The following NT5E variants were observed in gnomAD, a reference collection of about 807,000 sequenced individuals.
NT5E encodes the protein 5'-nucleotidase ecto.
A neutral mutation model predicts 55.1 loss-of-function variants in NT5E; 53 were observed. The ratio of observed to expected loss-of-function variants is 0.96; its 90% CI spans 0.77 to 1.21. NT5E has a LOEUF of 1.21. NT5E is among the 50% of genes most tolerant of loss of function. The pLI is 0.00. For synonymous variants in NT5E, 270 were observed against 278.4 expected (o/e 0.97, Z 0.30); for missense variants, 683 against 724.3 (o/e 0.94, Z 0.65).
chr6:85,452,195 G>A (rs1768898204), intron 1 of NT5E, among the ~76,000 whole-genome samples: 1 of 152,216 alleles, frequency 6.6e-6, no homozygotes, highest in South Asian at 2.1e-4. Flanking sequence ...TCCCAGAAGG[G>A]TAGAATAAAC....
chr6:85,487,648 T>G (rs1769696939), intron 5 of NT5E, among the ~76,000 whole-genome samples, 159 bp downstream of exon 5: 1 of 152,184 alleles, frequency 6.6e-6, no homozygotes, highest in Non-Finnish European at 1.5e-5. Flanking sequence ...TCCCAGCTAC[T>G]CGGGAGGCTT....
intron 8 of NT5E, among the ~76,000 whole-genome samples, chr6:85,493,436 C>T (rs923591762): frequency 1.1e-4 from 16 of 152,138 alleles, no homozygotes; most frequent in South Asian, 2.1e-4. Flanking sequence ...TAAAGGAAAT[C>T]CCCCAAGTCC....
chr6:85,475,593 G>C (rs1422458615), intron 3 of NT5E, among the ~76,000 whole-genome samples: 2 of 152,196 alleles, frequency 1.3e-5, no homozygotes, highest in Non-Finnish European at 2.9e-5. Flanking sequence ...ACTGGTCCAT[G>C]TTGCTTCCTT....
intron 4 of NT5E, among the ~76,000 whole-genome samples, chr6:85,486,264 AACAGAAAC>A (rs1769657326): frequency 6.6e-6 from 1 of 152,238 alleles, no homozygotes; most frequent in African/African-American, 2.4e-5. Flanking sequence ...AGAGCCTTAG[AACAGAAAC>A]ACAGTCTTTC....
At chr6:85,493,791 GATTGATA>G in intron 8 of NT5E, 43 bp from the exon 9 acceptor site, 3 of 1,507,478 alleles carry the variant, frequency 2.0e-6, no homozygotes, top group Non-Finnish European at 2.8e-6. Context: ...CCTTACTGTT[GATTGATA>G]ATTACCTTTT....
At chr6:85,485,127 GCA>G (rs1224480366) in intron 3 of NT5E, 106 bp from the exon 4 acceptor site, 2 of 1,053,392 alleles carry the variant, frequency 1.9e-6, no homozygotes, top group African/African-American at 1.6e-5. Context: ...GCAACAGATG[GCA>G]AATCATCAAT....
At chr6:85,479,401 A>G (rs1042282030) in intron 3 of NT5E, among the ~76,000 whole-genome samples, 4 of 152,140 alleles carry the variant, frequency 2.6e-5, no homozygotes. Flanking sequence ...GACACTCTCC[A>G]AGTACTCTGT....
chr6:85,489,681 AC>A (rs1377057339), intron 6 of NT5E, 82 bp downstream of exon 6: 3 of 958,608 alleles, frequency 3.1e-6, no homozygotes, highest in Non-Finnish European at 5.0e-6. Flanking sequence ...CCCTGAACAC[AC>A]CCATGTGCAG....
chr6:85,450,502 G>T lies in NT5E; in HGVS notation c.339+24G>T. On this transcript the variant is annotated intron_variant, in intron 1 of 8. Coordinates refer to ENST00000257770, the MANE Select transcript of NT5E (RefSeq NM_002526.4). This position sits in a 1 kb window ranked among gnomAD's most constrained non-coding sequence, Gnocchi z 4.0. Reference sequence around the variant, plus strand: ...TGGTAAGACCCGAGCCCGCGCCCGGGATAGTAGTCCCGGACTGAGAGAGGA... The same window carrying T: ...TGGTAAGACCCGAGCCCGCGCCCGGTATAGTAGTCCCGGACTGAGAGAGGA... 2 of 1,562,546 alleles carry T rather than the reference G, an allele frequency of 1.3e-6. No homozygotes were observed. The highest frequency in any genetic ancestry group is 1.7e-6 in the Non-Finnish European group (2 of 1,151,924).
chr6:85,487,355 A>C lies in NT5E; in HGVS notation c.970A>C (p.Ile324Leu). Residue 324 changes from isoleucine (I) to leucine (L), a missense_variant, in exon 5 of 9, where the codon ATT becomes CTT. Physicochemically the swap from Ile to Leu is conservative, Grantham distance 5 (BLOSUM62 2). Coordinates refer to ENST00000257770, the MANE Select transcript of NT5E (RefSeq NM_002526.4). ...TCTAGATCCAAGCATAAAAGCAGAC[A>C]TTAACAAATGGAGGATAAAATTGGA... ...IPEDPSIKAD[I>L]NKWRIKLDNY... is the part of the protein sequence containing the mutation. 6.2e-7 allele frequency: 1 copy of C among 1,613,714 alleles called. No homozygotes were observed.
chr6:85,493,794 TGATA>T (rs759935332), intron 8 of NT5E, 43 bp from the exon 9 acceptor site: 3 of 1,530,070 alleles, frequency 2.0e-6, no homozygotes, highest in South Asian at 2.3e-5. Flanking sequence ...TACTGTTGAT[TGATA>T]ATTACCTTTT....
chr6:85,493,829 A>T lies in NT5E; in HGVS notation c.1562-12A>T. The stretch of plus-strand genomic sequence containing the variant: ...CTTTTCTGTAGTTAAAATAATGTAT[A>T]TGTTTTTCTAGGTGACCAAGATATC... On this transcript the variant is annotated splice_polypyrimidine_tract_variant and intron_variant, in intron 8 of 8. Coordinates refer to ENST00000257770, the MANE Select transcript of NT5E (RefSeq NM_002526.4). 3.1e-6 allele frequency: 5 copies of T among 1,604,398 alleles called. No individual in the cohort carries two copies. The highest frequency in any genetic ancestry group is 4.3e-6 in the Non-Finnish European group (5 of 1,171,368).
chr6:85,485,074 G>A (rs2127724261), intron 3 of NT5E, among the ~76,000 whole-genome samples, 161 bp from the exon 4 acceptor site: 1 of 152,320 alleles, frequency 6.6e-6, no homozygotes, highest in South Asian at 2.1e-4. Flanking sequence ...ATTTGGAAAT[G>A]GGCAAATGCC....
chr6:85,450,318 G>T lies in NT5E; in HGVS notation c.179G>T (p.Gly60Val), dbSNP rs1443526063. 1 of 1,601,154 alleles carries T rather than the reference G, an allele frequency of 6.2e-7. No homozygotes were observed. Among genetic ancestry groups the T allele is most frequent in the Non-Finnish European group, 8.5e-7 (1 of 1,175,226 alleles). ...KCVNASRCMG[G>V]VARLFTKVQQ... ...GTCAACGCCAGCCGCTGCATGGGTG[G>T]CGTGGCTCGGCTCTTCACCAAGGTT... Residue 60 changes from glycine to valine, a missense_variant, in exon 1 of 9, where the codon GGC (glycine) becomes GTC (valine). By Grantham distance (109) the Gly-to-Val change is moderately radical. Coordinates refer to ENST00000257770, the MANE Select transcript of NT5E (RefSeq NM_002526.4). The surrounding 1 kb of genome is among the most constrained non-coding windows in gnomAD (Gnocchi z 4.0).
intron 1 of NT5E, among the ~76,000 whole-genome samples, chr6:85,457,730 A>C (rs1769016890): frequency 6.6e-6 from 1 of 152,128 alleles, no homozygotes; most frequent in African/African-American, 2.4e-5. Context: ...TTATTCATTC[A>C]ATCTGCAAAT....
At chr6:85,472,264 A>C (rs568922954) in intron 3 of NT5E, among the ~76,000 whole-genome samples, 1 of 152,328 alleles carries the variant, frequency 6.6e-6, no homozygotes, top group Non-Finnish European at 1.5e-5. Context: ...TCCTGCTTCT[A>C]CCATCCTTAT....
intron 3 of NT5E, among the ~76,000 whole-genome samples, chr6:85,472,608 G>A (rs760170862): frequency 9.9e-5 from 15 of 152,236 alleles, no homozygotes; most frequent in Middle Eastern, 3.4e-3. Flanking sequence ...AAAGTTCCAC[G>A]TTACTGTGAA....
At chr6:85,468,785 G>A (rs1332750492) in intron 2 of NT5E, among the ~76,000 whole-genome samples, 1 of 152,174 alleles carries the variant, frequency 6.6e-6, no homozygotes, top group Non-Finnish European at 1.5e-5. Flanking sequence ...AGGAGGTGCA[G>A]GTCTTGGTGG....
At chr6:85,480,927 C>T (rs1243115140) in intron 3 of NT5E, among the ~76,000 whole-genome samples, 5 of 152,210 alleles carry the variant, frequency 3.3e-5, no homozygotes, top group African/African-American at 1.2e-4. Flanking sequence ...AAAACCCATT[C>T]TCCTGTATCC....
Sources: gnomAD v4.1 joint callset for allele counts (sites outside exome capture counted in the v4.1 genomes callset) on GRCh38, gnomAD v4.1.1 for gene constraint, Gnocchi (gnomAD v3.1) non-coding constraint, MANE v1.5 for transcripts, NCBI Gene and HGNC (gene_info 2026-07-23, HGNC 2026-07-21) for gene names.